Variants in ZNF829 observed in about 807,000 individuals in gnomAD.
ZNF829 encodes the protein zinc finger protein 829.
ZNF829 carries 25 observed loss-of-function variants against 35.2 expected under a neutral mutation model. The observed-to-expected ratio is 0.71, with a 90% CI of 0.52 to 0.99. The LOEUF is 0.99. Among genes scored for constraint, ZNF829 ranks in the 50% least tolerant of loss-of-function variants. The pLI, the probability that ZNF829 is intolerant of heterozygous loss-of-function variation, is 0.00. For synonymous variants in ZNF829, 136 were observed against 163.2 expected (o/e 0.83, Z 1.27); for missense variants, 417 against 515.3 (o/e 0.81, Z 1.85).
chr19:36,908,797 G>C (rs938044598), intron 3 of ZNF829, among the ~76,000 whole-genome samples: 2 of 152,112 alleles, frequency 1.3e-5, no homozygotes, highest in African/African-American at 2.4e-5. Flanking sequence ...GTTTCTAAAA[G>C]CTTCCAGAAG....
At chr19:36,899,937 GA>G (rs200409746) in intron 5 of ZNF829, among the ~76,000 whole-genome samples, 2,263 of 151,850 alleles carry the variant, frequency 0.015, 20 homozygotes, top group Middle Eastern at 0.034. Context: ...AAAATAGAAA[GA>G]ATGAGTAACA....
chr19:36,915,712 C>T, intron 1 of ZNF829: 1 of 736,874 alleles, frequency 1.4e-6, no homozygotes, highest in Admixed American at 2.5e-5. Flanking sequence ...ATTCTCCTGC[C>T]TCAGCCTGCG....
intron 4 of ZNF829, 151 bp from the exon 5 acceptor site, chr19:36,908,175 T>C: frequency 8.1e-7 from 1 of 1,227,106 alleles, no homozygotes; most frequent in Non-Finnish European, 1.1e-6. Context: ...CCATTGGAGC[T>C]GCCCACTTCC....
intron 5 of ZNF829, among the ~76,000 whole-genome samples, chr19:36,904,688 C>T (rs779089886): frequency 1.3e-5 from 2 of 152,056 alleles, no homozygotes; most frequent in Non-Finnish European, 2.9e-5. Flanking sequence ...TGTGAGCCAC[C>T]GCGCCTGGTC....
intron 3 of ZNF829, among the ~76,000 whole-genome samples, chr19:36,910,149 A>G (rs1462990008): frequency 4.0e-5 from 6 of 151,706 alleles, no homozygotes; most frequent in Non-Finnish European, 7.4e-5. Flanking sequence ...CAGTGGCACA[A>G]TCTCGGCTCA....
At position 36,891,376 on chromosome 19, in the gene ZNF829, G is replaced by T; in HGVS notation, c.*116C>A. 9.2e-7 allele frequency: 1 copy of T among 1,087,712 alleles called. No homozygotes were observed. The highest frequency in any genetic ancestry group is 1.3e-6 in the Non-Finnish European group (1 of 794,484). The allele number at this position is 1,087,712 out of a possible 1,614,324, so 67.4% of individuals were successfully genotyped here. ...GTACTTGGTACTTTGTTATCGTATC[G>T]TTTAAAAACGAATACATAGGAGAAC... On this transcript the variant is annotated 3_prime_UTR_variant, in exon 6 of 6. Transcript: ENST00000391711.
intron 5 of ZNF829, chr19:36,902,197 C>T (rs1275293344): frequency 1.4e-5 from 3 of 210,698 alleles, no homozygotes; most frequent in Non-Finnish European, 2.8e-5. Context: ...CCCCCCCGCA[C>T]CCCGCAAAAA....
At position 36,892,088 on chromosome 19, in the gene ZNF829, T is replaced by G; in HGVS notation, c.703A>C (p.Thr235Pro). ...SYFSQHQRIH[T>P]GEKPYECKEC... ...TTACATTCATAGGGTTTCTCACCAG[T>G]GTGAATCCTCTGATGTTGAGAAAAA... is the stretch of plus-strand genomic sequence containing the variant. Residue 235 changes from threonine (T) to proline (P), a missense_variant, in exon 6 of 6, where the codon ACT becomes CCT. Thr to Pro is a conservative substitution (Grantham distance 38). Coordinates refer to ENST00000391711, the MANE Select transcript of ZNF829 (RefSeq NM_001037232.4). The G allele has an allele frequency of 6.2e-7, 1 of 1,614,122 alleles. No homozygotes were observed. Among genetic ancestry groups the G allele is most frequent in the South Asian group, 1.1e-5 (1 of 91,072 alleles).
chr19:36,894,718 T>C lies in ZNF829; in HGVS notation c.320-2247A>G, dbSNP rs1015579949. ...AAGCAGAAGAAAGAATTTCTGAACT[T>C]GAGGACAGGGTTTTTTAAAAGAATC... On this transcript the variant is annotated intron_variant, in intron 5 of 5. Coordinates refer to ENST00000391711, the MANE Select transcript of ZNF829 (RefSeq NM_001037232.4). Among the ~76,000 whole-genome samples, 19 of 151,990 alleles carry C rather than the reference T, an allele frequency of 1.3e-4. No individual in the cohort carries two copies. The East Asian group carries it at 3.3e-3, about 26-fold the overall frequency.
At chr19:36,906,965 G>C (rs1357553294) in intron 5 of ZNF829, 1 of 151,200 alleles carries the variant, frequency 6.6e-6, no homozygotes, top group African/African-American at 2.4e-5. Flanking sequence ...GCGCAGGCCT[G>C]TAGTTCCAGC....
intron 5 of ZNF829, among the ~76,000 whole-genome samples, chr19:36,898,176 G>GA (rs567255504): frequency 2.6e-4 from 39 of 147,472 alleles, no homozygotes; most frequent in South Asian, 6.4e-4. Flanking sequence ...CTCAAAAAGG[G>GA]AAAAAAAAAG....
intron 3 of ZNF829, among the ~76,000 whole-genome samples, chr19:36,911,474 A>C (rs2073264052): frequency 6.6e-6 from 1 of 152,096 alleles, no homozygotes; most frequent in Non-Finnish European, 1.5e-5. Flanking sequence ...GGCCTCCCAA[A>C]GTCCTGGGAT....
At chr19:36,898,559 A>G (rs894640681) in intron 5 of ZNF829, among the ~76,000 whole-genome samples, 5 of 152,228 alleles carry the variant, frequency 3.3e-5, no homozygotes, top group African/African-American at 1.2e-4. Context: ...TAGCCAATGC[A>G]ATCTGTAGCG....
At chr19:36,908,263 A>G (rs2146246113) in intron 4 of ZNF829, 70 bp downstream of exon 4, 2 of 1,543,856 alleles carry the variant, frequency 1.3e-6, no homozygotes, top group South Asian at 2.5e-5. Context: ...CATGAAGCAA[A>G]TAATTCACAA....
At chr19:36,897,041 G>A (rs1382043744) in intron 5 of ZNF829, among the ~76,000 whole-genome samples, 1 of 152,110 alleles carries the variant, frequency 6.6e-6, no homozygotes, top group Non-Finnish European at 1.5e-5. Flanking sequence ...GACCAATAAC[G>A]AGTAATGAGA....
chr19:36,898,481 CCAGT>C (rs1296862637), intron 5 of ZNF829, among the ~76,000 whole-genome samples: 1 of 152,046 alleles, frequency 6.6e-6, no homozygotes, highest in Non-Finnish European at 1.5e-5. Context: ...GACTGAAATG[CCAGT>C]CAGTTTTTAC....
rs10417527 is a variant in ZNF829 at position 36,900,985 on chromosome 19, C to T, written c.319+6944G>A. On this transcript the variant is annotated intron_variant, in intron 5 of 5. Transcript: ENST00000391711. The stretch of plus-strand genomic sequence containing the variant: ...TCTAGCAGTTCCTCAACTGGCTAAA[C>T]ACAGAGTTATGATATGACCCAGCAA... 8.4e-3 allele frequency among the ~76,000 whole-genome samples: 1,281 copies of T among 152,038 alleles called. 15 individuals are homozygous for T. The highest frequency in any genetic ancestry group is 0.028 in the African/African-American group (1,149 of 41,466).
intron 3 of ZNF829, among the ~76,000 whole-genome samples, chr19:36,913,757 T>C (rs906144970): frequency 6.6e-6 from 1 of 152,062 alleles, no homozygotes; most frequent in African/African-American, 2.4e-5. Flanking sequence ...ATTTTAAAAC[T>C]CTACAAATCC....
Position 36,888,606 on chromosome 19 carries a change from T to G in ZNF829, c.*2886A>C, listed in dbSNP as rs927099486. 1 of 152,218 alleles carries G rather than the reference T, an allele frequency of 6.6e-6. No individual in the cohort carries two copies. Among genetic ancestry groups the G allele is most frequent in the South Asian group, 2.1e-4 (1 of 4,836 alleles). The allele number at this position is 152,218 out of a possible 1,614,324, so 9.4% of individuals were successfully genotyped here. A position where few individuals can be genotyped will look rare whatever the true frequency, so the allele number is the denominator to read the frequency against. On this transcript the variant is annotated 3_prime_UTR_variant, in exon 6 of 6. Coordinates refer to ENST00000391711, the MANE Select transcript of ZNF829 (RefSeq NM_001037232.4). ...GTTTAGGAAGTTACAAGGGCAGTTG[T>G]GTTACATACACATATAGTGTAGTGG...
Sources: allele counts gnomAD v4.1 joint callset (sites outside exome capture counted in the v4.1 genomes callset), GRCh38; gene constraint gnomAD v4.1.1; transcripts MANE v1.5; gene names NCBI Gene and HGNC (gene_info 2026-07-23, HGNC 2026-07-21).